The following SZT2 variants were observed in gnomAD, a reference collection of about 807,000 sequenced individuals.
The protein encoded by SZT2 is SZT2 subunit of KICSTOR complex.
Under a neutral mutation model 404.2 loss-of-function variants are expected in SZT2, and 216 were observed. The observed-to-expected ratio is 0.53, with a 90% CI of 0.48 to 0.60. The LOEUF (loss-of-function observed/expected upper bound fraction) is 0.60, where lower values mean the gene tolerates loss of function less well. Ranked by LOEUF, SZT2 falls within the 20% of genes least tolerant of loss-of-function variation. The pLI is 0.00. For missense variants in SZT2, 3,857 were observed against 4,459.2 expected (o/e 0.86, Z 3.85); for synonymous variants, 1,693 against 1,749.9 (o/e 0.97, Z 0.81).
chr1:43,392,224 A>AT lies in SZT2; in HGVS notation c.27+2237dup, dbSNP rs772335194. ...TACAAAACATCGTGAGATATTTAAC[A>AT]TTTTTTTTGGTACCAAGTCTTTAAA... On this transcript the variant is annotated intron_variant, in intron 1 of 71. Coordinates refer to ENST00000634258, the MANE Select transcript of SZT2 (RefSeq NM_001365999.1). 2.9e-3 allele frequency among the ~76,000 whole-genome samples: 441 copies of AT among 151,634 alleles called. 4 individuals are homozygous for AT. The highest frequency in any genetic ancestry group is 4.5e-3 in the Non-Finnish European group (304 of 67,886).
Position 43,439,888 on chromosome 1 carries a change from T to C in SZT2, c.7050T>C (p.Asn2350=). 1 of 1,594,718 alleles carries C rather than the reference T, an allele frequency of 6.3e-7. No individual in the cohort carries two copies. The highest frequency in any genetic ancestry group is 8.5e-7 in the Non-Finnish European group (1 of 1,170,148). Residue 2350 remains asparagine, a synonymous_variant, in exon 51 of 72, where the codon AAT becomes AAC. Transcript: ENST00000634258. The surrounding 1 kb of genome is among the most constrained non-coding windows in gnomAD (Gnocchi z 4.2). ...PVVVDSSSAQ[N]GAPRLRLDVW... ...TCCCTGTTCTCCTTCCAGCTCAGAA[T>C]GGGGCCCCACGGCTTCGATTGGATG...
chr1:43,427,917 A>G, intron 26 of SZT2, 86 bp from the exon 27 acceptor site: 1 of 1,339,276 alleles, frequency 7.5e-7, no homozygotes, highest in Non-Finnish European at 1.1e-6. Context: ...GTGTCTATAG[A>G]TGATCCATTG....
chr1:43,437,137 G>A lies in SZT2; in HGVS notation c.6035-34G>A, dbSNP rs2153934956. 1 of 1,611,674 alleles carries A rather than the reference G, an allele frequency of 6.2e-7. No individual in the cohort carries two copies. Among genetic ancestry groups the A allele is most frequent in the Non-Finnish European group, 8.5e-7 (1 of 1,178,674 alleles). The stretch of plus-strand genomic sequence containing the variant: ...GTCTGTGGAGGGCAGAGGGTGGTGT[G>A]TCCCATTTCTAATCCCTGCTCCCCC... On this transcript the variant is annotated intron_variant, in intron 42 of 71. Transcript: ENST00000634258. The surrounding 1 kb of genome is among the most constrained non-coding windows in gnomAD (Gnocchi z 5.3).
In SZT2 at chr1:43,451,384, C is replaced by G. The variant is rs765597580; in HGVS notation, c.*904C>G. The stretch of plus-strand genomic sequence containing the variant: ...AGCCCCTGTCCGGGTCCCTCCAGAG[C>G]TCCCTTCCCCAGGGCCACGCCTCAC... On this transcript the variant is annotated 3_prime_UTR_variant, in exon 72 of 72. Transcript: ENST00000634258. 6.2e-7 allele frequency: 1 copy of G among 1,611,932 alleles called. No homozygotes were observed.
rs1380823309 is a variant in SZT2, at chr1:43,453,707, G to T, written c.*3227G>T. The T allele has an allele frequency of 7.1e-7, 1 of 1,417,088 alleles. No individual in the cohort carries two copies. Among genetic ancestry groups the T allele is most frequent in the Non-Finnish European group, 9.1e-7 (1 of 1,095,476 alleles). 87.8% of individuals were successfully genotyped at this position (1,417,088 alleles called of 1,614,324 possible). A position where few individuals can be genotyped will look rare whatever the true frequency, so the allele number is the denominator to read the frequency against. On this transcript the variant is annotated 3_prime_UTR_variant, in exon 72 of 72. Transcript: ENST00000634258. The stretch of plus-strand genomic sequence containing the variant: ...CCACCTCGACGGCCTCGAAGCCCGA[G>T]CTGCCCGCGGCCCGCACCCGCGCGG...
chr1:43,441,937 G>A lies in SZT2; in HGVS notation c.7743-63G>A, dbSNP rs118046291. On this transcript the variant is annotated intron_variant, in intron 55 of 71. Coordinates refer to ENST00000634258, the MANE Select transcript of SZT2 (RefSeq NM_001365999.1). This position sits in a 1 kb window ranked among gnomAD's most constrained non-coding sequence, Gnocchi z 4.8. Reference sequence around the variant, plus strand: ...AGAGGTGGAAACAAGGCCCAGGGAGGTGAAGGCTAGGCCAGGGAGTGGTGT... The same window carrying A: ...AGAGGTGGAAACAAGGCCCAGGGAGATGAAGGCTAGGCCAGGGAGTGGTGT... The A allele has an allele frequency of 1.3e-3, 2,016 of 1,591,972 alleles. 33 individuals carry two copies. The East Asian group carries it at 0.021, about 17-fold the overall frequency.
intron 46 of SZT2, chr1:43,438,318 T>C (rs1654682747): frequency 3.0e-6 from 1 of 337,750 alleles, no homozygotes; most frequent in Non-Finnish European, 5.6e-6. Flanking sequence ...ATTTGGGATA[T>C]ATTTTGCCCC....
In SZT2 at chr1:43,428,037, G is replaced by T; in HGVS notation, c.3838G>T (p.Ala1280Ser). Reference sequence around the variant, plus strand: ...CCTCGACCACCCCTCCCCATCCTCAGCCTGGATGGAACCCCGGTACAAGGA... The same window carrying T: ...CCTCGACCACCCCTCCCCATCCTCATCCTGGATGGAACCCCGGTACAAGGA... ...QFLDHPSPSS[A>S]WMEPRYKEAA... is the part of the protein sequence containing the mutation. Residue 1280 changes from alanine (A) to serine (S), a missense_variant, in exon 27 of 72, where the codon GCC (alanine) becomes TCC (serine). Around this residue, in one of 7 missense-constraint regions of SZT2, gnomAD observed 1,725 missense variants for 1,881.0 expected, o/e 0.92. Coordinates refer to ENST00000634258, the MANE Select transcript of SZT2 (RefSeq NM_001365999.1). The T allele has an allele frequency of 1.2e-6, 2 of 1,614,152 alleles. No homozygotes were observed. The highest frequency in any genetic ancestry group is 1.7e-6 in the Non-Finnish European group (2 of 1,180,024).
rs1656372828 is a variant in SZT2 at position 43,451,296 on chromosome 1, C to CA, written c.*816_*817insA. On this transcript the variant is annotated 3_prime_UTR_variant, in exon 72 of 72. Coordinates refer to ENST00000634258, the MANE Select transcript of SZT2 (RefSeq NM_001365999.1). ...CCAGTATGAACGTAGCCAACTCAAG[C>CA]CCTCTACTGTGTCTCCTGCAGGGAG... 1 of 1,613,914 alleles carries CA rather than the reference C, an allele frequency of 6.2e-7. No individual in the cohort carries two copies. Among genetic ancestry groups the CA allele is most frequent in the African/African-American group, 1.3e-5 (1 of 74,930 alleles).
chr1:43,436,286 C>T (rs929410957), intron 42 of SZT2: 1 of 152,206 alleles, frequency 6.6e-6, no homozygotes, highest in African/African-American at 2.4e-5. Flanking sequence ...TCAGCACATC[C>T]TGGGATCTCC....
chr1:43,426,748 T>A lies in SZT2; in HGVS notation c.3248T>A (p.Ile1083Asn). The A allele has an allele frequency of 6.2e-7, 1 of 1,613,494 alleles. No homozygotes were observed. The highest frequency in any genetic ancestry group is 8.5e-7 in the Non-Finnish European group (1 of 1,179,798). Reference protein sequence around the residue: ...AEGPLLGVHGIPKEQAVGSTQ... With the variant: ...AEGPLLGVHGNPKEQAVGSTQ... ...GGGCCACTGCTGGGGGTTCATGGGA[T>A]CCCGAAGGAGCAAGCAGTCGGCAGC... The change falls in exon 23 of 72, where the codon ATC (isoleucine) becomes AAC (asparagine). Residue 1083 changes from isoleucine (I) to asparagine (N), a missense_variant. Ile to Asn is a moderately radical substitution (Grantham distance 149, BLOSUM62 -3). Coordinates refer to ENST00000634258, the MANE Select transcript of SZT2 (RefSeq NM_001365999.1). The surrounding 1 kb of genome is among the most constrained non-coding windows in gnomAD (Gnocchi z 4.9).
intron 46 of SZT2, chr1:43,438,327 C>A: frequency 3.0e-6 from 1 of 337,750 alleles, no homozygotes. Flanking sequence ...ATATTTTGCC[C>A]CAGGTGTCCA....
In SZT2 at chr1:43,447,116, C is replaced by G. The variant is rs765876583; in HGVS notation, c.9234C>G (p.Phe3078Leu). 1.2e-6 allele frequency: 2 copies of G among 1,613,730 alleles called. No individual in the cohort carries two copies. Among genetic ancestry groups the G allele is most frequent in the African/African-American group, 2.7e-5 (2 of 74,942 alleles). Residue 3078 changes from phenylalanine (F) to leucine (L), a missense_variant, in exon 66 of 72, where the codon TTC (phenylalanine) becomes TTG (leucine). Coordinates refer to ENST00000634258, the MANE Select transcript of SZT2 (RefSeq NM_001365999.1). ...GYHLTTFLRH[F>L]LAHHPDGPHF... ...ACCTCACCACCTTTCTGCGACACTT[C>G]CTGGCCCACCACCCTGACGGACCCC...
rs753140399 is a variant in SZT2 at position 43,416,990 on chromosome 1, T to C, written c.879+349T>C. Reference sequence around the variant, plus strand: ...AGCTTAACCAAAGGGGGAAAAGGCATAGCCAGGGACTGCAGCTAATTTGGA... The same window carrying C: ...AGCTTAACCAAAGGGGGAAAAGGCACAGCCAGGGACTGCAGCTAATTTGGA... On this transcript the variant is annotated intron_variant, in intron 7 of 71. Transcript: ENST00000634258. Among the ~76,000 whole-genome samples, 12 of 152,296 alleles carry C rather than the reference T, an allele frequency of 7.9e-5. No individual in the cohort carries two copies. The South Asian group carries it at 2.5e-3, about 32-fold the overall frequency.
rs919346908 is a variant in SZT2 at position 43,451,606 on chromosome 1, T to C, written c.*1126T>C. 5 of 1,613,504 alleles carry C rather than the reference T, an allele frequency of 3.1e-6. No individual in the cohort carries two copies. In the Admixed American group the frequency reaches 6.7e-5, roughly 22 times the overall value. On this transcript the variant is annotated 3_prime_UTR_variant, in exon 72 of 72. Transcript: ENST00000634258. Reference sequence around the variant, plus strand: ...CCTGCCAGGGCCTGAAGGACAGATGTGGGGATTGAAAGGGTGGGAGGGCAA... The same window carrying C: ...CCTGCCAGGGCCTGAAGGACAGATGCGGGGATTGAAAGGGTGGGAGGGCAA...
rs918350549 is a variant in SZT2 at position 43,450,586 on chromosome 1, C to A, written c.*106C>A. ...AGCCCTTCTGGGCCCCAGGGCAAGC[C>A]AGACACTGAGTGACACCAAAGGCTT... On this transcript the variant is annotated 3_prime_UTR_variant, in exon 72 of 72. Coordinates refer to ENST00000634258, the MANE Select transcript of SZT2 (RefSeq NM_001365999.1). This position sits in a 1 kb window ranked among gnomAD's most constrained non-coding sequence, Gnocchi z 4.3. The A allele has an allele frequency of 2.7e-6, 4 of 1,502,348 alleles. No homozygotes were observed. In the East Asian group the frequency reaches 6.8e-5, roughly 26 times the overall value. The allele number at this position is 1,502,348 out of a possible 1,614,324, so 93.1% of individuals were successfully genotyped here. A position where few individuals can be genotyped will look rare whatever the true frequency, so the allele number is the denominator to read the frequency against.
chr1:43,415,894 GGCTTT>G, intron 5 of SZT2, 61 bp from the exon 6 acceptor site: 1 of 1,521,866 alleles, frequency 6.6e-7, no homozygotes, highest in Non-Finnish European at 8.8e-7. Flanking sequence ...TATAAATTCT[GGCTTT>G]GCTATGGATG....
In SZT2 at chr1:43,419,950, A is replaced by T. The variant is rs1396422694; in HGVS notation, c.1090+6A>T. 1 of 1,598,088 alleles carries T rather than the reference A, an allele frequency of 6.3e-7. No individual in the cohort carries two copies. Among genetic ancestry groups the T allele is most frequent in the Non-Finnish European group, 8.5e-7 (1 of 1,179,562 alleles). ...GAACCCTGAATATTACTGCGGTGAG[A>T]GGCACACTGAGGTGGGTGTGGGAAG... On this transcript the variant is annotated splice_donor_region_variant and intron_variant, in intron 8 of 71. Transcript: ENST00000634258.
At position 43,425,102 on chromosome 1, in the gene SZT2, T is replaced by C; in HGVS notation, c.2551-11T>C. 1 of 1,614,058 alleles carries C rather than the reference T, an allele frequency of 6.2e-7. No homozygotes were observed. Among genetic ancestry groups the C allele is most frequent in the Non-Finnish European group, 8.5e-7 (1 of 1,179,972 alleles). ...CTGGGATTTGCCCAAGATCTCCCAT[T>C]TTGCCCACAGAATGAACCACCAGGG... On this transcript the variant is annotated splice_polypyrimidine_tract_variant and intron_variant, in intron 17 of 71. Transcript: ENST00000634258. This position sits in a 1 kb window ranked among gnomAD's most constrained non-coding sequence, Gnocchi z 4.3.
Sources: allele counts gnomAD v4.1 joint callset (sites outside exome capture counted in the v4.1 genomes callset), GRCh38; gene constraint gnomAD v4.1.1; regional missense constraint gnomAD v4.1.1; non-coding constraint Gnocchi (gnomAD v3.1); transcripts MANE v1.5; gene names NCBI Gene and HGNC (gene_info 2026-07-23, HGNC 2026-07-21).